TENT4A: variants seen among roughly 807,000 people sequenced by gnomAD.
TENT4A encodes terminal nucleotidyltransferase 4A, also known as DNA polymerase kappa.
TENT4A carries 7 observed loss-of-function variants against 72.8 expected under a neutral mutation model. That is an observed-to-expected ratio of 0.10 (90% CI 0.05 to 0.18). The LOEUF is 0.18. Among genes scored for constraint, TENT4A ranks in the 10% least tolerant of loss-of-function variants. The probability of loss-of-function intolerance (pLI) is 1.00; values close to 1 mark genes in which losing one functional copy is unlikely to be tolerated. For missense variants in TENT4A, 831 were observed against 1,017.7 expected, an observed-to-expected ratio of 0.82 and a Z score of 2.50; for synonymous variants, 456 against 434.3, an observed-to-expected ratio of 1.05 and a Z score of -0.62.
At chr5:6,722,586 A>G (rs1485053269) in intron 1 of TENT4A, among the ~76,000 whole-genome samples, 3 of 141,126 alleles carry the variant, frequency 2.1e-5, no homozygotes, top group Non-Finnish European at 1.5e-5. Context: ...CTGAAGGTAC[A>G]TCAGCACTGT....
chr5:6,719,829 CAG>C (rs1740559107), intron 1 of TENT4A, among the ~76,000 whole-genome samples: 1 of 152,190 alleles, frequency 6.6e-6, no homozygotes, highest in African/African-American at 2.4e-5. Flanking sequence ...AACATAAACT[CAG>C]AGGCTTAGAA....
intron 1 of TENT4A, among the ~76,000 whole-genome samples, chr5:6,732,079 T>G (rs1468094473): frequency 6.6e-6 from 1 of 152,234 alleles, no homozygotes; most frequent in African/African-American, 2.4e-5. Context: ...GAAGTCACCT[T>G]TGAACAACTT....
At chr5:6,750,587 C>G (rs1288722175) in intron 10 of TENT4A, 84 bp downstream of exon 10, 6 of 1,322,698 alleles carry the variant, frequency 4.5e-6, no homozygotes, top group Non-Finnish European at 5.1e-6. Context: ...TAAAATCTCC[C>G]CCTTGGTTTT....
In TENT4A at chr5:6,714,717, C is replaced by T. The variant is rs1042280816; in HGVS notation, c.716+18C>T. On this transcript the variant is annotated intron_variant, in intron 1 of 12. Coordinates refer to ENST00000230859, the MANE Select transcript of TENT4A (RefSeq NM_006999.6). ...ATCCAGGGGTGAGTGCGCGGGGAGG[C>T]CGCGGGGGCGGGGGCGGGGCCCATG... The T allele has an allele frequency of 5.0e-6, 5 of 1,003,946 alleles. No individual in the cohort carries two copies. Among genetic ancestry groups the T allele is most frequent in the Non-Finnish European group, 6.2e-6 (5 of 801,942 alleles). 62.2% of individuals were successfully genotyped at this position (1,003,946 alleles called of 1,614,324 possible).
chr5:6,715,493 T>G (rs529790478), intron 1 of TENT4A, among the ~76,000 whole-genome samples: 3 of 152,368 alleles, frequency 2.0e-5, no homozygotes, highest in African/African-American at 7.2e-5. Context: ...TTTGCCATTT[T>G]GGGCTTTTCT....
At chr5:6,748,354 A>G in intron 7 of TENT4A, 110 bp from the exon 8 acceptor site, 1 of 1,419,622 alleles carries the variant, frequency 7.0e-7, no homozygotes, top group Non-Finnish European at 9.8e-7. Flanking sequence ...AGGGTCTGGA[A>G]GAGTTTCAGT....
intron 12 of TENT4A, 53 bp from the exon 13 acceptor site, chr5:6,754,698 G>A: frequency 7.0e-7 from 1 of 1,433,134 alleles, no homozygotes; most frequent in Non-Finnish European, 9.5e-7. Context: ...CCGAGGACGT[G>A]GGCATTGTGC....
chr5:6,738,626 G>A (rs1016899356), intron 2 of TENT4A, 57 bp from the exon 3 acceptor site: 19 of 1,228,906 alleles, frequency 1.5e-5, no homozygotes, highest in South Asian at 3.6e-5. Flanking sequence ...AGAAATAATG[G>A]TAGTGTGACT....
At chr5:6,746,148 T>C in intron 6 of TENT4A, 66 bp from the exon 7 acceptor site, 1 of 1,611,198 alleles carries the variant, frequency 6.2e-7, no homozygotes, top group Non-Finnish European at 8.5e-7. Flanking sequence ...GCAGACTTCG[T>C]CGCGTGCTAT....
At chr5:6,716,946 A>G (rs1012039165) in intron 1 of TENT4A, among the ~76,000 whole-genome samples, 1 of 152,134 alleles carries the variant, frequency 6.6e-6, no homozygotes, top group Non-Finnish European at 1.5e-5. Context: ...CTCTGCCCAA[A>G]GGGGCCTGTG....
chr5:6,716,462 C>T (rs1274364764), intron 1 of TENT4A, among the ~76,000 whole-genome samples: 2 of 152,208 alleles, frequency 1.3e-5, no homozygotes, highest in African/African-American at 4.8e-5. Flanking sequence ...CTCATCCTCC[C>T]TCATGCAGGC....
rs1331686041 is a variant in TENT4A, at chr5:6,754,880, A to T, written c.2314A>T (p.Thr772Ser). 1 of 1,607,264 alleles carries T rather than the reference A, an allele frequency of 6.2e-7. No individual in the cohort carries two copies. Among genetic ancestry groups the T allele is most frequent in the Admixed American group, 1.7e-5 (1 of 59,834 alleles). The change falls in exon 13 of 13, where the codon ACC (threonine) becomes TCC (serine). Residue 772 changes from threonine to serine, a missense_variant. Physicochemically the swap from Thr to Ser is moderately conservative, Grantham distance 58. Transcript: ENST00000230859. ...CAGGGGACACCACCAGTATAACCGC[A>T]CCGGCTGGAGGAGGAAAAAACACAC... is the stretch of plus-strand genomic sequence containing the variant. ...GNRGHHQYNR[T>S]GWRRKKHTHT...
chr5:6,739,726 T>G lies in TENT4A; in HGVS notation c.888-6T>G. ...GCAGTGGCTGACGTGCGTTTTCTTC[T>G]GTCAGCGACATAGACCTGGTGGTCT... On this transcript the variant is annotated splice_region_variant and splice_polypyrimidine_tract_variant and intron_variant, in intron 3 of 12. Coordinates refer to ENST00000230859, the MANE Select transcript of TENT4A (RefSeq NM_006999.6). 1 of 1,613,864 alleles carries G rather than the reference T, an allele frequency of 6.2e-7. No individual in the cohort carries two copies. The highest frequency in any genetic ancestry group is 1.3e-5 in the African/African-American group (1 of 75,048).
chr5:6,742,998 G>C (rs746277470), intron 5 of TENT4A, among the ~76,000 whole-genome samples: 7 of 152,138 alleles, frequency 4.6e-5, no homozygotes, highest in Non-Finnish European at 4.4e-5. Context: ...AGACTTGGTT[G>C]AGCTGACATG....
chr5:6,714,136 G>A lies in TENT4A; in HGVS notation c.153G>A (p.Ala51=). The A allele has an allele frequency of 3.1e-6, 3 of 979,356 alleles. No individual in the cohort carries two copies. The highest frequency in any genetic ancestry group is 1.2e-4 in the East Asian group (1 of 8,636). The allele number at this position is 979,356 out of a possible 1,614,324, so 60.7% of individuals were successfully genotyped here. A position where few individuals can be genotyped will look rare whatever the true frequency, so the allele number is the denominator to read the frequency against. ...FCLNSPALDT[A]AAAGAAGRGS... is the part of the protein sequence containing the mutation. ...TCAACTCGCCGGCGCTGGACACGGC[G>A]GCCGCGGCGGGGGCGGCCGGGCGGG... The change falls in exon 1 of 13, where the codon GCG becomes GCA. Residue 51 remains alanine (A), a synonymous_variant. Coordinates refer to ENST00000230859, the MANE Select transcript of TENT4A (RefSeq NM_006999.6).
At chr5:6,736,403 C>G (rs1007425939) in intron 1 of TENT4A, among the ~76,000 whole-genome samples, 2 of 152,182 alleles carry the variant, frequency 1.3e-5, no homozygotes, top group African/African-American at 4.8e-5. Flanking sequence ...GCCAGCTGTT[C>G]GTTGGCCCTG....
rs578074048 is a variant in TENT4A at position 6,749,638 on chromosome 5, C to T, written c.1668C>T (p.Ala556=). ...TCAAAGAGAAGTGGGGCAGCAAAGC[C>T]CACCCGTCGCCAGGCATGGGTGAGA... ...RWIKEKWGSK[A]HPSPGMDSRI... Residue 556 remains alanine (A), a synonymous_variant, in exon 9 of 13, where the codon GCC becomes GCT. Transcript: ENST00000230859. The T allele has an allele frequency of 1.2e-5, 19 of 1,612,116 alleles. No homozygotes were observed. Among genetic ancestry groups the T allele is most frequent in the African/African-American group, 9.3e-5 (7 of 74,980 alleles).
chr5:6,735,093 T>C (rs981116749), intron 1 of TENT4A, among the ~76,000 whole-genome samples: 1 of 152,190 alleles, frequency 6.6e-6, no homozygotes, highest in African/African-American at 2.4e-5. Flanking sequence ...CAGGTGGAAA[T>C]GTGGAGTGCC....
chr5:6,735,574 G>A (rs1741437625), intron 1 of TENT4A, among the ~76,000 whole-genome samples: 1 of 152,150 alleles, frequency 6.6e-6, no homozygotes, highest in South Asian at 2.1e-4. Flanking sequence ...ACTTTAAAGT[G>A]GCCTACTGAG....
Sources: gnomAD v4.1 joint callset for allele counts (sites outside exome capture counted in the v4.1 genomes callset) on GRCh38, gnomAD v4.1.1 for gene constraint, MANE v1.5 for transcripts, NCBI Gene and HGNC (gene_info 2026-07-23, HGNC 2026-07-21) for gene names.